MED13L: variants seen among roughly 807,000 people sequenced by gnomAD.
MED13L encodes the protein mediator complex subunit 13L.
Under a neutral mutation model 220.9 loss-of-function variants are expected in MED13L, and 7 were observed. The observed-to-expected ratio is 0.03, with a 90% CI of 0.02 to 0.06. The LOEUF is 0.06. Ranked by LOEUF, MED13L falls within the 10% of genes least tolerant of loss-of-function variation. MED13L has a pLI of 1.00. For missense variants in MED13L, 1,965 were observed against 2,760.5 expected, an observed-to-expected ratio of 0.71 and a Z score of 6.46; for synonymous variants, 1,011 against 1,015.2, an observed-to-expected ratio of 1.00 and a Z score of 0.08.
intron 2 of MED13L, among the ~76,000 whole-genome samples, chr12:116,146,487 G>A (rs1463724233): frequency 1.3e-5 from 2 of 151,112 alleles, no homozygotes; most frequent in East Asian, 1.9e-4. Flanking sequence ...GTTCGTGTAT[G>A]TTATATGTGG....
At chr12:116,131,082 G>T (rs1358774143) in intron 2 of MED13L, among the ~76,000 whole-genome samples, 2 of 152,146 alleles carry the variant, frequency 1.3e-5, no homozygotes, top group East Asian at 1.9e-4. Context: ...ACAATCTGAA[G>T]TTACAACAAC....
At chr12:116,225,561 T>TAC (rs1868897390) in intron 2 of MED13L, among the ~76,000 whole-genome samples, 1 of 152,252 alleles carries the variant, frequency 6.6e-6, no homozygotes, top group African/African-American at 2.4e-5. Context: ...TATAAATATC[T>TAC]ACTAGGCTAC....
Position 115,975,446 on chromosome 12 carries a change from G to A in MED13L, c.5588+69C>T, listed in dbSNP as rs561284935. On this transcript the variant is annotated intron_variant, in intron 24 of 30. Transcript: ENST00000281928. ...ACCCACTTCATTTACATAGAAAACT[G>A]GAAATATTCATATTTGAGGAACGGT... 95 of 1,592,148 alleles carry A rather than the reference G, an allele frequency of 6.0e-5. No individual in the cohort carries two copies. In the South Asian group the frequency reaches 1.0e-3, roughly 17 times the overall value.
At chr12:116,033,556 A>C (rs1880986228) in intron 4 of MED13L, among the ~76,000 whole-genome samples, 1 of 152,178 alleles carries the variant, frequency 6.6e-6, no homozygotes, top group African/African-American at 2.4e-5. Context: ...AGCTTCAAAG[A>C]TCTATTTCTT....
intron 21 of MED13L, among the ~76,000 whole-genome samples, chr12:115,982,881 T>TAA (rs1877426069): frequency 6.6e-6 from 1 of 152,202 alleles, no homozygotes; most frequent in African/African-American, 2.4e-5. Flanking sequence ...TGTTACTAAT[T>TAA]AAGTTGATAG....
At position 116,232,207 on chromosome 12, in the gene MED13L, T is replaced by C. The variant is rs147832639; in HGVS notation, c.310+5261A>G. 2,750 of 856,494 alleles carry C rather than the reference T, an allele frequency of 3.2e-3. 9 individuals carry two copies. The highest frequency in any genetic ancestry group is 3.6e-3 in the Non-Finnish European group (2,593 of 712,140). The allele number at this position is 856,494 out of a possible 1,614,324, so 53.1% of individuals were successfully genotyped here. A position where few individuals can be genotyped will look rare whatever the true frequency, so the allele number is the denominator to read the frequency against. On this transcript the variant is annotated intron_variant, in intron 2 of 30. Transcript: ENST00000281928. ...ATGTCTCTAAATTCACAACAAAGGG[T>C]AATAACTGCCAATCTACCCCTGCAC...
chr12:115,976,681 T>C (rs780514804), intron 23 of MED13L, among the ~76,000 whole-genome samples: 4 of 152,336 alleles, frequency 2.6e-5, no homozygotes, highest in Admixed American at 6.5e-5. Flanking sequence ...TCAACAGTTG[T>C]TACCAAATAT....
chr12:116,252,391 T>C (rs955321602), intron 1 of MED13L, among the ~76,000 whole-genome samples: 2 of 151,956 alleles, frequency 1.3e-5, no homozygotes, highest in Admixed American at 6.6e-5. Context: ...AAAAAAAAAT[T>C]AGCCAGGTGT....
At chr12:116,052,498 A>G (rs1056301733) in intron 4 of MED13L, among the ~76,000 whole-genome samples, 2 of 152,244 alleles carry the variant, frequency 1.3e-5, no homozygotes, top group Non-Finnish European at 2.9e-5. Flanking sequence ...TGTAGAAATT[A>G]ATTCTTCATA....
intron 2 of MED13L, among the ~76,000 whole-genome samples, chr12:116,127,766 TGA>T (rs1471320669): frequency 1.3e-5 from 2 of 152,240 alleles, no homozygotes; most frequent in African/African-American, 4.8e-5. Flanking sequence ...CCATTATTCA[TGA>T]GAGCCAAAGT....
At chr12:116,226,788 G>C (rs761017938) in intron 2 of MED13L, among the ~76,000 whole-genome samples, 2 of 149,196 alleles carry the variant, frequency 1.3e-5, no homozygotes, top group East Asian at 2.0e-4. Context: ...GGAACTGCTC[G>C]AACTCCGGAC....
chr12:116,079,940 T>A (rs950010101), intron 4 of MED13L, among the ~76,000 whole-genome samples: 4 of 152,058 alleles, frequency 2.6e-5, no homozygotes, highest in East Asian at 1.9e-4. Context: ...GTCCAACCCG[T>A]AAACCATGGG....
intron 4 of MED13L, among the ~76,000 whole-genome samples, chr12:116,037,658 C>T (rs2137528148): frequency 6.6e-6 from 1 of 152,036 alleles, no homozygotes; most frequent in South Asian, 2.1e-4. Flanking sequence ...ATAAATTCTT[C>T]CAGACTGTAG....
chr12:116,149,756 A>G (rs1877885357), intron 2 of MED13L, among the ~76,000 whole-genome samples: 1 of 152,234 alleles, frequency 6.6e-6, no homozygotes, highest in African/African-American at 2.4e-5. Flanking sequence ...AACACAGAAA[A>G]TAAGAGTTAG....
At chr12:116,179,872 T>C (rs1377223843) in intron 2 of MED13L, among the ~76,000 whole-genome samples, 1 of 152,146 alleles carries the variant, frequency 6.6e-6, no homozygotes, top group Admixed American at 6.5e-5. Context: ...CAATCAGCTA[T>C]ATTCTGAGTC....
chr12:116,046,033 A>G (rs187611657), intron 4 of MED13L, among the ~76,000 whole-genome samples: 2 of 152,290 alleles, frequency 1.3e-5, no homozygotes, highest in East Asian at 3.9e-4. Flanking sequence ...AAAAAGAAAA[A>G]GCAGGCTTAG....
chr12:116,152,738 C>T (rs770236305), intron 2 of MED13L, among the ~76,000 whole-genome samples: 2 of 151,762 alleles, frequency 1.3e-5, no homozygotes, highest in Non-Finnish European at 2.9e-5. Flanking sequence ...AAGAAAATGC[C>T]CTTATTTTTT....
chr12:116,217,964 G>A (rs1262305898), intron 2 of MED13L, among the ~76,000 whole-genome samples: 2 of 152,190 alleles, frequency 1.3e-5, no homozygotes, highest in African/African-American at 4.8e-5. Flanking sequence ...TCTCCTGGAA[G>A]TAACTAACCA....
rs574442056 is a variant in MED13L, at chr12:116,167,035, A to C, written c.311-55523T>G. Among the ~76,000 whole-genome samples, 6 of 152,262 alleles carry C rather than the reference A, an allele frequency of 3.9e-5. No homozygotes were observed. The East Asian group carries it at 1.2e-3, about 29-fold the overall frequency. Reference sequence around the variant, plus strand: ...AAAATTCTTCATACATGACCCCATAAATTTATATCACAAAATTCGATGTTC... The same window carrying C: ...AAAATTCTTCATACATGACCCCATACATTTATATCACAAAATTCGATGTTC... On this transcript the variant is annotated intron_variant, in intron 2 of 30. Transcript: ENST00000281928.
Sources: gnomAD v4.1 joint callset for allele counts (sites outside exome capture counted in the v4.1 genomes callset) on GRCh38, gnomAD v4.1.1 for gene constraint, MANE v1.5 for transcripts, NCBI Gene and HGNC (gene_info 2026-07-23, HGNC 2026-07-21) for gene names.